Variants in THUMPD2 observed in about 807,000 individuals in gnomAD.
THUMPD2 encodes the protein THUMP domain 2 tRNA and snRNA guanosine methyltransferase.
Under a neutral mutation model 49.4 loss-of-function variants are expected in THUMPD2, and 56 were observed. That is an observed-to-expected ratio of 1.13 (90% CI 0.91 to 1.41). The LOEUF (loss-of-function observed/expected upper bound fraction) is 1.41. Ranked by LOEUF, THUMPD2 falls within the 40% of genes most tolerant of loss-of-function variation. THUMPD2 has a pLI of 0.00. For missense variants in THUMPD2, 709 were observed against 594.5 expected (o/e 1.19, Z -2.00); for synonymous variants, 237 against 205.2 (o/e 1.15, Z -1.32).
chr2:39,738,204 G>GA (rs1673388826), intron 9 of THUMPD2, among the ~76,000 whole-genome samples: 1 of 152,118 alleles, frequency 6.6e-6, no homozygotes, highest in South Asian at 2.1e-4. Context: ...GAGAAAATCT[G>GA]GACAACAGTT....
chr2:39,746,075 C>A (rs543055147), intron 8 of THUMPD2, among the ~76,000 whole-genome samples: 39 of 152,318 alleles, frequency 2.6e-4, no homozygotes, highest in Non-Finnish European at 5.4e-4. Flanking sequence ...CACGGCCTGG[C>A]ACAAAGTGAG....
In THUMPD2 at chr2:39,755,192, G is replaced by A. The variant is rs1426818371; in HGVS notation, c.1078+103C>T. On this transcript the variant is annotated intron_variant, in intron 8 of 9. Coordinates refer to ENST00000505747, the MANE Select transcript of THUMPD2 (RefSeq NM_025264.5). ...GTATTAGTCCCACAGATATATTAAA[G>A]GGTAAAACCAACCTTTACATAGTGA... is the stretch of plus-strand genomic sequence containing the variant. 6 of 710,558 alleles carry A rather than the reference G, an allele frequency of 8.4e-6. No homozygotes were observed. The Admixed American group carries it at 1.8e-4, about 22-fold the overall frequency. 44.0% of individuals were successfully genotyped at this position (710,558 alleles called of 1,614,324 possible).
intron 6 of THUMPD2, among the ~76,000 whole-genome samples, chr2:39,756,273 A>G (rs751128530): frequency 2.6e-5 from 4 of 152,168 alleles, no homozygotes; most frequent in Non-Finnish European, 5.9e-5. Flanking sequence ...ACAATAAGGC[A>G]GAGTATGTGG....
chr2:39,742,803 G>A (rs1218959344), intron 9 of THUMPD2, among the ~76,000 whole-genome samples: 1 of 152,096 alleles, frequency 6.6e-6, no homozygotes, highest in Non-Finnish European at 1.5e-5. Flanking sequence ...GGGGAGGGGT[G>A]GATAGCAGGG....
chr2:39,755,973 A>T lies in THUMPD2; in HGVS notation c.892-13T>A. 6.2e-7 allele frequency: 1 copy of T among 1,612,724 alleles called. No individual in the cohort carries two copies. Among genetic ancestry groups the T allele is most frequent in the Non-Finnish European group, 8.5e-7 (1 of 1,178,870 alleles). Reference sequence around the variant, plus strand: ...CAAATGCACCAGCCTGCAGACAGAAATATTAATTTGGTATTATTAAGACTA... The same window carrying T: ...CAAATGCACCAGCCTGCAGACAGAATTATTAATTTGGTATTATTAAGACTA... On this transcript the variant is annotated splice_polypyrimidine_tract_variant and intron_variant, in intron 6 of 9. Transcript: ENST00000505747.
chr2:39,740,899 A>G (rs1411066692), intron 9 of THUMPD2, among the ~76,000 whole-genome samples: 1 of 151,942 alleles, frequency 6.6e-6, no homozygotes, highest in Non-Finnish European at 1.5e-5. Context: ...TTATTTAGAG[A>G]TGAGTTCTTG....
chr2:39,775,517 C>T (rs1678954841), intron 1 of THUMPD2, among the ~76,000 whole-genome samples: 1 of 151,980 alleles, frequency 6.6e-6, no homozygotes, highest in Admixed American at 6.5e-5. Flanking sequence ...TGCCTGTAAT[C>T]CCAGCACTTT....
At chr2:39,759,144 T>A (rs1398389086) in intron 6 of THUMPD2, among the ~76,000 whole-genome samples, 1 of 152,030 alleles carries the variant, frequency 6.6e-6, no homozygotes, top group African/African-American at 2.4e-5. Context: ...AAGCTTAACA[T>A]GTTCATAATA....
rs756720811 is a variant in THUMPD2 at position 39,737,044 on chromosome 2, G to A, written c.1203C>T (p.Gly401=). The change falls in exon 10 of 10, where the codon GGC becomes GGT. Residue 401 remains glycine, a synonymous_variant. Coordinates refer to ENST00000505747, the MANE Select transcript of THUMPD2 (RefSeq NM_025264.5). ...LQEMERVLHV[G]GTIVLLLSED... is the part of the protein sequence containing the mutation. ...CACTAAGCAACAATACAATGGTTCC[G>A]CCAACATGAAGCACTCTGTGACAAA... 2 of 1,606,156 alleles carry A rather than the reference G, an allele frequency of 1.2e-6. No homozygotes were observed. Among genetic ancestry groups the A allele is most frequent in the South Asian group, 2.2e-5 (2 of 90,242 alleles).
chr2:39,764,184 T>C (rs1677205398), intron 5 of THUMPD2, among the ~76,000 whole-genome samples: 1 of 152,228 alleles, frequency 6.6e-6, no homozygotes, highest in African/African-American at 2.4e-5. Flanking sequence ...TTATCACAGA[T>C]CTGTGCTAAC....
At chr2:39,770,949 A>G (rs1678230217) in intron 2 of THUMPD2, among the ~76,000 whole-genome samples, 1 of 152,122 alleles carries the variant, frequency 6.6e-6, no homozygotes, top group Non-Finnish European at 1.5e-5. Flanking sequence ...GCTTTTATCA[A>G]GATCCATATG....
intron 8 of THUMPD2, among the ~76,000 whole-genome samples, chr2:39,748,793 C>T (rs1027071003): frequency 6.6e-6 from 1 of 151,958 alleles, no homozygotes; most frequent in African/African-American, 2.4e-5. Flanking sequence ...CTGGGCAATA[C>T]AGTGAGACCC....
At chr2:39,741,201 C>T (rs575449380) in intron 9 of THUMPD2, among the ~76,000 whole-genome samples, 1 of 152,232 alleles carries the variant, frequency 6.6e-6, no homozygotes, top group East Asian at 1.9e-4. Flanking sequence ...ATTTCCCTTT[C>T]GTATGTGAAC....
At chr2:39,768,225 C>T (rs574073998) in intron 4 of THUMPD2, among the ~76,000 whole-genome samples, 199 bp downstream of exon 4, 41 of 152,178 alleles carry the variant, frequency 2.7e-4, no homozygotes, top group South Asian at 6.2e-4. Context: ...TTGGAGTTTG[C>T]ATAAGACATT....
At chr2:39,748,593 C>A (rs556319345) in intron 8 of THUMPD2, among the ~76,000 whole-genome samples, 1 of 151,934 alleles carries the variant, frequency 6.6e-6, no homozygotes, top group East Asian at 1.9e-4. Flanking sequence ...GAGGCTGAAG[C>A]GGGAGAATTG....
At chr2:39,755,247 A>T in intron 8 of THUMPD2, 48 bp downstream of exon 8, 1 of 1,242,814 alleles carries the variant, frequency 8.0e-7, no homozygotes, top group South Asian at 1.4e-5. Context: ...TTCTAAATAT[A>T]TTTACATTGT....
chr2:39,758,909 A>G (rs1676469304), intron 6 of THUMPD2, among the ~76,000 whole-genome samples: 2 of 152,210 alleles, frequency 1.3e-5, no homozygotes, highest in African/African-American at 4.8e-5. Flanking sequence ...TATTTGAATA[A>G]AAGAAGAGCT....
At chr2:39,744,600 A>G in intron 8 of THUMPD2, 122 bp from the exon 9 acceptor site, 1 of 587,620 alleles carries the variant, frequency 1.7e-6, no homozygotes, top group South Asian at 2.8e-5. Context: ...AGGGTTGCTA[A>G]TATTGTTTTA....
intron 1 of THUMPD2, among the ~76,000 whole-genome samples, chr2:39,778,406 G>C (rs1208260791): frequency 6.6e-6 from 1 of 152,186 alleles, no homozygotes; most frequent in Non-Finnish European, 1.5e-5. Context: ...GAGCTGCCAG[G>C]GTGGAGGGGT....
Sources: gnomAD v4.1 joint callset for allele counts (sites outside exome capture counted in the v4.1 genomes callset) on GRCh38, gnomAD v4.1.1 for gene constraint, MANE v1.5 for transcripts, NCBI Gene and HGNC (gene_info 2026-07-23, HGNC 2026-07-21) for gene names.